MEGF8: variants seen among roughly 807,000 people sequenced by gnomAD.
MEGF8 encodes multiple epidermal growth factor-like domains protein 8.
Under a neutral mutation model 302.9 loss-of-function variants are expected in MEGF8, and 156 were observed. That is an observed-to-expected ratio of 0.52 (90% CI 0.45 to 0.59). The LOEUF (loss-of-function observed/expected upper bound fraction) is 0.59. Ranked by LOEUF, MEGF8 falls within the 20% of genes least tolerant of loss-of-function variation. MEGF8 has a pLI of 0.00. For missense variants in MEGF8, 3,345 were observed against 3,964.5 expected, an observed-to-expected ratio of 0.84 and a Z score of 4.20; for synonymous variants, 1,621 against 1,660.5, an observed-to-expected ratio of 0.98 and a Z score of 0.58.
rs1453525942 is a variant in MEGF8, at chr19:42,344,291, C to T, written c.1789-150C>T. ...CCCGTGACCCCATCCCCGCATCCCC[C>T]GTCCTCTGGATCTCCCACATTCCAA... On this transcript the variant is annotated intron_variant, in intron 10 of 41. Transcript: ENST00000251268. The surrounding 1 kb of genome is among the most constrained non-coding windows in gnomAD (Gnocchi z 4.5). The T allele has an allele frequency of 5.0e-6, 6 of 1,190,616 alleles. No homozygotes were observed. Among genetic ancestry groups the T allele is most frequent in the African/African-American group, 3.1e-5 (2 of 65,052 alleles). 73.8% of individuals were successfully genotyped at this position (1,190,616 alleles called of 1,614,324 possible).
chr19:42,338,376 A>G (rs2039162006), intron 8 of MEGF8, among the ~76,000 whole-genome samples: 1 of 152,016 alleles, frequency 6.6e-6, no homozygotes, highest in African/African-American at 2.4e-5. Context: ...AGTAGCTGGG[A>G]GTATAGGCGC....
chr19:42,362,212 A>C lies in MEGF8; in HGVS notation c.5843A>C (p.Glu1948Ala). The C allele has an allele frequency of 6.2e-7, 1 of 1,610,502 alleles. No individual in the cohort carries two copies. Among genetic ancestry groups the C allele is most frequent in the Non-Finnish European group, 8.5e-7 (1 of 1,179,246 alleles). Residue 1948 changes from glutamate (E) to alanine (A), a missense_variant and splice_region_variant, in exon 33 of 42, where the codon GAG becomes GCG. Glu to Ala is a moderately radical substitution (Grantham distance 107). Coordinates refer to ENST00000251268, the MANE Select transcript of MEGF8 (RefSeq NM_001271938.2). ...HPRTLQPGDG[E>A]ASTPRCKWCT... ...CGGACCCTGCAACCTGGAGATGGAG[A>C]GGTGAGTGGTGGGGAAGGCAGGGAT... is the stretch of plus-strand genomic sequence containing the variant.
chr19:42,366,651 GC>G (rs2039611160), intron 35 of MEGF8, among the ~76,000 whole-genome samples: 1 of 152,168 alleles, frequency 6.6e-6, no homozygotes, highest in Non-Finnish European at 1.5e-5. Context: ...GCTTTGCTAG[GC>G]AGTGGGGAAT....
chr19:42,334,738 C>T (rs778989055), intron 3 of MEGF8, among the ~76,000 whole-genome samples: 1 of 152,160 alleles, frequency 6.6e-6, no homozygotes, highest in Non-Finnish European at 1.5e-5. Flanking sequence ...TTTCTCTGTG[C>T]ATCTTTTCCT....
At chr19:42,362,358 C>T (rs538611507) in intron 33 of MEGF8, 26 bp from the exon 34 acceptor site, 191 of 1,613,280 alleles carry the variant, frequency 1.2e-4, no homozygotes, top group Non-Finnish European at 1.6e-4. Flanking sequence ...GCTGAGGGTC[C>T]CATCTAGCCT....
rs747875374 is a variant in MEGF8 at position 42,356,853 on chromosome 19, T to C, written c.4702T>C (p.Phe1568Leu). The stretch of plus-strand genomic sequence containing the variant: ...GGGCCCAGGCCCATCGCCCCGCTCC[T>C]TCCATGCAGCCGCATATGTGCCCGC... ...DGGPGPSPRS[F>L]HAAAYVPAGR... is the part of the protein sequence containing the mutation. The change falls in exon 27 of 42, where the codon TTC becomes CTC. Residue 1568 changes from phenylalanine to leucine, a missense_variant. By Grantham distance (22) the Phe-to-Leu change is conservative. Coordinates refer to ENST00000251268, the MANE Select transcript of MEGF8 (RefSeq NM_001271938.2). This position sits in a 1 kb window ranked among gnomAD's most constrained non-coding sequence, Gnocchi z 5.2. 6.3e-7 allele frequency: 1 copy of C among 1,580,886 alleles called. No individual in the cohort carries two copies. Among genetic ancestry groups the C allele is most frequent in the Non-Finnish European group, 8.6e-7 (1 of 1,164,134 alleles).
At position 42,370,369 on chromosome 19, in the gene MEGF8, AGGGGT is replaced by A; in HGVS notation, c.7005+11_7005+15del. ...ACTGGACCCAGAGGAGGTGAAAGAG[AGGGGT>A]CAGATGCCTGGGTCTGAGGGAGGAG... On this transcript the variant is annotated intron_variant, in intron 39 of 41. Transcript: ENST00000251268. The A allele has an allele frequency of 1.2e-5, 18 of 1,558,668 alleles. No individual in the cohort carries two copies. Among genetic ancestry groups the A allele is most frequent in the South Asian group, 2.3e-5 (2 of 85,712 alleles).
chr19:42,349,710 A>T lies in MEGF8; in HGVS notation c.2499+11A>T. 2 of 1,607,880 alleles carry T rather than the reference A, an allele frequency of 1.2e-6. No homozygotes were observed. Among genetic ancestry groups the T allele is most frequent in the South Asian group, 2.2e-5 (2 of 91,046 alleles). On this transcript the variant is annotated intron_variant, in intron 14 of 41. Coordinates refer to ENST00000251268, the MANE Select transcript of MEGF8 (RefSeq NM_001271938.2). The stretch of plus-strand genomic sequence containing the variant: ...GTGCCAGGAGGCAGCGTGAGTACCC[A>T]GGACCTACCTCCAACCCTAGCCGCA...
At position 42,360,938 on chromosome 19, in the gene MEGF8, A is replaced by G; in HGVS notation, c.5652A>G (p.Glu1884=). ...PDPCRLLSSP[E]ACNQSGACTW... Reference sequence around the variant, plus strand: ...CCTGCCGCCTGCTGTCCTCACCTGAAGCTTGTAACCAGTCTGGGGCCTGCA... The same window carrying G: ...CCTGCCGCCTGCTGTCCTCACCTGAGGCTTGTAACCAGTCTGGGGCCTGCA... Residue 1884 remains glutamate, a synonymous_variant, in exon 32 of 42, where the codon GAA becomes GAG. Transcript: ENST00000251268. 2 of 1,608,634 alleles carry G rather than the reference A, an allele frequency of 1.2e-6. No individual in the cohort carries two copies. Among genetic ancestry groups the G allele is most frequent in the Non-Finnish European group, 1.7e-6 (2 of 1,176,654 alleles).
rs1254491176 is a variant in MEGF8 at position 42,363,132 on chromosome 19, C to T, written c.6143C>T (p.Pro2048Leu). The change falls in exon 35 of 42, where the codon CCG becomes CTG. Residue 2048 changes from proline to leucine, a missense_variant. Coordinates refer to ENST00000251268, the MANE Select transcript of MEGF8 (RefSeq NM_001271938.2). ...SHSLLNVSPM[P>L]VESSPPLPCP... ...TCTCTGCTGAATGTGTCCCCCATGC[C>T]GGTGGAATCATCACCCCCACTGCCC... The T allele has an allele frequency of 3.1e-6, 5 of 1,613,026 alleles. No homozygotes were observed. Among genetic ancestry groups the T allele is most frequent in the South Asian group, 1.1e-5 (1 of 90,908 alleles).
rs1245068336 is a variant in MEGF8 at position 42,355,825 on chromosome 19, T to G, written c.4212T>G (p.Ser1404=). The G allele has an allele frequency of 3.8e-6, 6 of 1,571,952 alleles. No individual in the cohort carries two copies. Among genetic ancestry groups the G allele is most frequent in the African/African-American group, 2.7e-5 (2 of 74,076 alleles). Residue 1404 remains serine, a synonymous_variant, in exon 24 of 42, where the codon TCT becomes TCG. Coordinates refer to ENST00000251268, the MANE Select transcript of MEGF8 (RefSeq NM_001271938.2). ...GGGGCTTCAATGCTTCGGTGGGCTC[T>G]GCCCGCTGTGGGTCAGGGGGCCCCG... is the stretch of plus-strand genomic sequence containing the variant. ...SSWGFNASVG[S]ARCGSGGPGS... is the part of the protein sequence containing the mutation.
At position 42,375,602 on chromosome 19, in the gene MEGF8, C is replaced by G; in HGVS notation, c.7365C>G (p.Pro2455=). The G allele has an allele frequency of 6.2e-7, 1 of 1,604,216 alleles. No individual in the cohort carries two copies. Among genetic ancestry groups the G allele is most frequent in the South Asian group, 1.1e-5 (1 of 88,850 alleles). Reference sequence around the variant, plus strand: ...TGGAGCAGGAGTGCTGCCTGGACCCCACGTCCCAGACCAACTGCTTCCATG... The same window carrying G: ...TGGAGCAGGAGTGCTGCCTGGACCCGACGTCCCAGACCAACTGCTTCCATG... ...ISVEQECCLD[P]TSQTNCFHEP... Residue 2455 remains proline, a synonymous_variant, in exon 42 of 42, where the codon CCC becomes CCG. Transcript: ENST00000251268. The surrounding 1 kb of genome is among the most constrained non-coding windows in gnomAD (Gnocchi z 7.1).
intron 35 of MEGF8, 132 bp downstream of exon 35, chr19:42,363,394 C>A (rs537583944): frequency 3.8e-6 from 3 of 794,266 alleles, no homozygotes; most frequent in Admixed American, 2.4e-5. Context: ...TAGCTGCAGT[C>A]GTGCTTCCTT....
In MEGF8 at chr19:42,350,191, G is replaced by A. The variant is rs1256406330; in HGVS notation, c.2543G>A (p.Cys848Tyr). 6.2e-7 allele frequency: 1 copy of A among 1,613,678 alleles called. No individual in the cohort carries two copies. Reference protein sequence around the residue: ...FFLEPYRSSSCTSYSSCLGCL... With the variant: ...FFLEPYRSSSYTSYSSCLGCL... ...CTGGAGCCCTACCGCTCGTCGTCCT[G>A]CACCTCCTATTCTTCCTGCCTGGGC... Residue 848 changes from cysteine (C) to tyrosine (Y), a missense_variant, in exon 15 of 42, where the codon TGC becomes TAC. Cys to Tyr is a radical substitution (Grantham distance 194). Coordinates refer to ENST00000251268, the MANE Select transcript of MEGF8 (RefSeq NM_001271938.2).
At chr19:42,334,482 C>T (rs1046297954) in intron 3 of MEGF8, among the ~76,000 whole-genome samples, 1 of 152,138 alleles carries the variant, frequency 6.6e-6, no homozygotes, top group Non-Finnish European at 1.5e-5. Context: ...ACCCTCCTTC[C>T]TCCAGCCAGG....
In MEGF8 at chr19:42,370,784, C is replaced by G; in HGVS notation, c.7089C>G (p.Cys2363Trp). The G allele has an allele frequency of 6.6e-7, 1 of 1,512,940 alleles. No individual in the cohort carries two copies. The highest frequency in any genetic ancestry group is 8.9e-7 in the Non-Finnish European group (1 of 1,117,506). The allele number at this position is 1,512,940 out of a possible 1,614,324, so 93.7% of individuals were successfully genotyped here. A position where few individuals can be genotyped will look rare whatever the true frequency, so the allele number is the denominator to read the frequency against. Residue 2363 changes from cysteine to tryptophan, a missense_variant, in exon 40 of 42, where the codon TGC (cysteine) becomes TGG (tryptophan). Physicochemically the swap from Cys to Trp is radical, Grantham distance 215. Coordinates refer to ENST00000251268, the MANE Select transcript of MEGF8 (RefSeq NM_001271938.2). Reference protein sequence around the residue: ...NCQNNSYGEKCESCLQGYFLL... With the variant: ...NCQNNSYGEKWESCLQGYFLL... ...AGAATAACAGCTATGGGGAGAAATGCGAGAGCTGCCTGCAGGGCTACTTCC... is the reference window on the plus strand; with the variant it reads ...AGAATAACAGCTATGGGGAGAAATGGGAGAGCTGCCTGCAGGGCTACTTCC...
In MEGF8 at chr19:42,351,450, C is replaced by T. The variant is rs569144296; in HGVS notation, c.2877C>T (p.Cys959=). Residue 959 remains cysteine (C), a synonymous_variant, in exon 17 of 42, where the codon TGC becomes TGT. Transcript: ENST00000251268. This position sits in a 1 kb window ranked among gnomAD's most constrained non-coding sequence, Gnocchi z 5.6. ...LCSQRLTCED[C]LANSSQCAWC... The stretch of plus-strand genomic sequence containing the variant: ...CCAGGCGACTGACCTGTGAGGACTG[C>T]CTGGCCAACTCTAGCCAGTGCGCCT... 3 of 1,598,368 alleles carry T rather than the reference C, an allele frequency of 1.9e-6. No individual in the cohort carries two copies. Among genetic ancestry groups the T allele is most frequent in the African/African-American group, 2.7e-5 (2 of 74,760 alleles).
chr19:42,344,186 A>G lies in MEGF8; in HGVS notation c.1788+113A>G. 7.1e-7 allele frequency: 1 copy of G among 1,403,954 alleles called. No individual in the cohort carries two copies. The highest frequency in any genetic ancestry group is 1.4e-5 in the African/African-American group (1 of 69,562). The allele number at this position is 1,403,954 out of a possible 1,614,324, so 87.0% of individuals were successfully genotyped here. The stretch of plus-strand genomic sequence containing the variant: ...TCCCTCAACTGGGAGACTTGTTTTC[A>G]TGCCGGAGATCCTCCTTCCTGATTC... On this transcript the variant is annotated intron_variant, in intron 10 of 41. Transcript: ENST00000251268. This position sits in a 1 kb window ranked among gnomAD's most constrained non-coding sequence, Gnocchi z 4.5.
Position 42,370,316 on chromosome 19 carries a change from TG to T in MEGF8, c.6963del (p.Met2321IlefsTer20). ...TGCATCTCCAGGAAGGAGTTACAAA[TG>T]TCCAAGGGAGAGCCAAAGAAGTACT... is the stretch of plus-strand genomic sequence containing the variant. ...HICISRKELQ[M>X]SKGEPKKYSL... is the part of the protein sequence containing the mutation. On this transcript the variant is annotated frameshift_variant, in exon 39 of 42. Transcript: ENST00000251268. LOFTEE classifies it high-confidence loss of function. The T allele has an allele frequency of 6.2e-7, 1 of 1,608,196 alleles. No homozygotes were observed. The highest frequency in any genetic ancestry group is 2.2e-5 in the East Asian group (1 of 44,760).
Sources: gnomAD v4.1 joint callset for allele counts (sites outside exome capture counted in the v4.1 genomes callset) on GRCh38, gnomAD v4.1.1 for gene constraint, Gnocchi (gnomAD v3.1) non-coding constraint, MANE v1.5 for transcripts, NCBI Gene and HGNC (gene_info 2026-07-23, HGNC 2026-07-21) for gene names.